The following AKAP8L variants were observed in gnomAD, a reference collection of about 807,000 sequenced individuals.
AKAP8L encodes A-kinase anchor protein 8-like.
Under a neutral mutation model 77.5 loss-of-function variants are expected in AKAP8L, and 34 were observed. The observed-to-expected ratio is 0.44, with a 90% CI of 0.33 to 0.58. The LOEUF is 0.58. Ranked by LOEUF, AKAP8L falls within the 20% of genes least tolerant of loss-of-function variation. The pLI is 0.02. For synonymous variants in AKAP8L, 342 were observed against 340.7 expected (o/e 1.00, Z -0.04); for missense variants, 806 against 887.6 (o/e 0.91, Z 1.17).
At chr19:15,415,615 A>G (rs1055331249) in intron 1 of AKAP8L, among the ~76,000 whole-genome samples, 18 of 152,074 alleles carry the variant, frequency 1.2e-4, no homozygotes, top group African/African-American at 2.2e-4. Flanking sequence ...AGCCGGGCGC[A>G]GTGGCTCATG....
At chr19:15,390,048 TA>T (rs763927364) in intron 12 of AKAP8L, among the ~76,000 whole-genome samples, 11 of 148,630 alleles carry the variant, frequency 7.4e-5, no homozygotes, top group African/African-American at 2.5e-4. Context: ...AAAAATGACT[TA>T]AAAAAAAACC....
intron 2 of AKAP8L, 140 bp from the exon 3 acceptor site, chr19:15,404,182 G>A (rs1967955057): frequency 1.3e-6 from 1 of 798,754 alleles, no homozygotes; most frequent in Non-Finnish European, 2.0e-6. Context: ...GAGCTCGCGA[G>A]CACTGCGCAA....
In AKAP8L at chr19:15,401,579, G is replaced by A. The variant is rs2145133722; in HGVS notation, c.387C>T (p.Asp129=). 6.2e-7 allele frequency: 1 copy of A among 1,606,174 alleles called. No individual in the cohort carries two copies. Among genetic ancestry groups the A allele is most frequent in the Non-Finnish European group, 8.5e-7 (1 of 1,176,988 alleles). The change falls in exon 5 of 14, where the codon GAC becomes GAT. Residue 129 remains aspartate (D), a synonymous_variant. Coordinates refer to ENST00000397410, the MANE Select transcript of AKAP8L (RefSeq NM_014371.4). The surrounding 1 kb of genome is among the most constrained non-coding windows in gnomAD (Gnocchi z 6.2). Reference sequence around the variant, plus strand: ...CGCGCTCACTCAGGACGGCCCTCGAGTCGCAGGACTCATAAGAGTCATACC... The same window carrying A: ...CGCGCTCACTCAGGACGGCCCTCGAATCGCAGGACTCATAAGAGTCATACC... The part of the protein sequence containing the change: ...GERYDSYESC[D]SRAVLSERDL...
chr19:15,385,071 G>A (rs1967502553), intron 12 of AKAP8L, among the ~76,000 whole-genome samples: 2 of 151,302 alleles, frequency 1.3e-5, no homozygotes, highest in South Asian at 2.1e-4. Context: ...TCCGCCTCCC[G>A]AGTTCACGCC....
At chr19:15,384,470 T>A (rs542276115) in intron 12 of AKAP8L, among the ~76,000 whole-genome samples, 2 of 151,876 alleles carry the variant, frequency 1.3e-5, no homozygotes, top group African/African-American at 4.8e-5. Flanking sequence ...CAGCTAATTT[T>A]TTGTATTTTA....
In AKAP8L at chr19:15,399,556, C is replaced by T; in HGVS notation, c.1049-146G>A. 3 of 671,886 alleles carry T rather than the reference C, an allele frequency of 4.5e-6. No homozygotes were observed. The highest frequency in any genetic ancestry group is 3.4e-5 in the South Asian group (2 of 59,406). The allele number at this position is 671,886 out of a possible 1,614,324, so 41.6% of individuals were successfully genotyped here. ...GCAAGGCCTCTGGCCATGAGCAGGG[C>T]TGGGTATCCTGGGCTGTGCAGGGAG... On this transcript the variant is annotated intron_variant, in intron 8 of 13. Coordinates refer to ENST00000397410, the MANE Select transcript of AKAP8L (RefSeq NM_014371.4). This position sits in a 1 kb window ranked among gnomAD's most constrained non-coding sequence, Gnocchi z 6.1.
intron 7 of AKAP8L, 68 bp from the exon 8 acceptor site, chr19:15,400,426 A>ATTTTTCCTTTTTTT: frequency 6.8e-7 from 1 of 1,473,750 alleles, no homozygotes; most frequent in African/African-American, 1.4e-5. Context: ...AACCAAGTTT[A>ATTTTTCCTTTTTTT]TTAGAGCAAC....
At position 15,400,808 on chromosome 19, in the gene AKAP8L, T is replaced by C. The variant is rs766304247; in HGVS notation, c.970A>G (p.Lys324Glu). Reference sequence around the variant, plus strand: ...GAGCCACTTACCACTCTGGAGCCCTTCTCCACAGCCTCGGTGCCTTCAAGG... The same window carrying C: ...GAGCCACTTACCACTCTGGAGCCCTCCTCCACAGCCTCGGTGCCTTCAAGG... ...EGLEGTEAVE[K>E]GSRVDGEDEE... The change falls in exon 7 of 14, where the codon AAG (lysine) becomes GAG (glutamate). Residue 324 changes from lysine (K) to glutamate (E), a missense_variant. This residue lies in a region of AKAP8L where 580 missense variants were observed against 694.1 expected (regional missense o/e 0.84). Coordinates refer to ENST00000397410, the MANE Select transcript of AKAP8L (RefSeq NM_014371.4). The C allele has an allele frequency of 3.0e-5, 49 of 1,613,804 alleles. No individual in the cohort carries two copies. The highest frequency in any genetic ancestry group is 3.4e-6 in the Non-Finnish European group (4 of 1,179,872).
At chr19:15,410,411 G>T in intron 2 of AKAP8L, 109 bp downstream of exon 2, 3 of 930,264 alleles carry the variant, frequency 3.2e-6, no homozygotes, top group South Asian at 1.5e-5. Context: ...TTTCACACAA[G>T]TTTAGGTTTA....
chr19:15,416,859 C>T (rs890028341), intron 1 of AKAP8L, among the ~76,000 whole-genome samples: 5 of 152,238 alleles, frequency 3.3e-5, no homozygotes, highest in Admixed American at 2.6e-4. Flanking sequence ...TTATCAGTCA[C>T]CTTTTATGTT....
At chr19:15,413,459 G>C (rs1257920958) in intron 1 of AKAP8L, among the ~76,000 whole-genome samples, 2 of 152,226 alleles carry the variant, frequency 1.3e-5, no homozygotes, top group African/African-American at 4.8e-5. Flanking sequence ...GTAGGGACTG[G>C]GACTTGAGGC....
chr19:15,410,392 G>A, intron 2 of AKAP8L, 128 bp downstream of exon 2: 1 of 758,206 alleles, frequency 1.3e-6, no homozygotes, highest in Non-Finnish European at 2.2e-6. Flanking sequence ...TATTCAAATG[G>A]CCACACCATT....
In AKAP8L at chr19:15,399,284, T is replaced by A. The variant is rs1266342055; in HGVS notation, c.1157+18A>T. 6.2e-7 allele frequency: 1 copy of A among 1,605,806 alleles called. No homozygotes were observed. Among genetic ancestry groups the A allele is most frequent in the East Asian group, 2.2e-5 (1 of 44,828 alleles). ...CCACAGCGAGGCAGAGGCAGAGGGG[T>A]GGAGGGAAGCTGGTTACCTTTCCAC... On this transcript the variant is annotated intron_variant, in intron 9 of 13. Coordinates refer to ENST00000397410, the MANE Select transcript of AKAP8L (RefSeq NM_014371.4). The surrounding 1 kb of genome is among the most constrained non-coding windows in gnomAD (Gnocchi z 6.1).
intron 4 of AKAP8L, among the ~76,000 whole-genome samples, chr19:15,402,474 G>A (rs1266672852): frequency 6.6e-6 from 1 of 152,164 alleles, no homozygotes; most frequent in Non-Finnish European, 1.5e-5. Context: ...TGCTTACCCC[G>A]ATCCCAGGCT....
chr19:15,418,657 G>C (rs1294381079), intron 1 of AKAP8L, among the ~76,000 whole-genome samples: 1 of 152,212 alleles, frequency 6.6e-6, no homozygotes, highest in East Asian at 1.9e-4. Context: ...CTGAGGCCCG[G>C]ACCCACGGAC....
chr19:15,382,495 G>A (rs1028463599), intron 12 of AKAP8L, among the ~76,000 whole-genome samples: 5 of 152,050 alleles, frequency 3.3e-5, no homozygotes, highest in African/African-American at 9.7e-5. Flanking sequence ...GAGCCACCAC[G>A]CCCAGCCAAA....
At chr19:15,406,404 A>AGAGAGAGAGAGAGAGAGAGAGAGAT (rs60749981) in intron 2 of AKAP8L, among the ~76,000 whole-genome samples, 1 of 143,710 alleles carries the variant, frequency 7.0e-6, no homozygotes, top group Non-Finnish European at 1.5e-5. Flanking sequence ...AGAGAGAGAG[A>AGAGAGAGAGAGAGAGAGAGAGAGAT]TCCTTAAAAT....
chr19:15,384,857 A>G (rs1967495927), intron 12 of AKAP8L, among the ~76,000 whole-genome samples: 3 of 152,208 alleles, frequency 2.0e-5, no homozygotes, highest in South Asian at 4.1e-4. Flanking sequence ...CATTATACCA[A>G]TAATATTGCT....
chr19:15,400,467 A>T, intron 7 of AKAP8L, 109 bp from the exon 8 acceptor site: 1 of 1,130,284 alleles, frequency 8.8e-7, no homozygotes, highest in Non-Finnish European at 1.3e-6. Flanking sequence ...CTTGCTCCAT[A>T]GACAGAGCAG....
Sources: gnomAD v4.1 joint callset for allele counts (sites outside exome capture counted in the v4.1 genomes callset) on GRCh38, gnomAD v4.1.1 for gene constraint, gnomAD v4.1.1 regional missense constraint, Gnocchi (gnomAD v3.1) non-coding constraint, MANE v1.5 for transcripts, NCBI Gene and HGNC (gene_info 2026-07-23, HGNC 2026-07-21) for gene names.